TASP1: variants seen among roughly 807,000 people sequenced by gnomAD.
TASP1 encodes threonine aspartase 1.
TASP1 carries 16 observed loss-of-function variants against 56.6 expected under a neutral mutation model. The observed-to-expected ratio is 0.28, with a 90% confidence interval of 0.19 to 0.43. The LOEUF is 0.43. Ranked by LOEUF, TASP1 falls within the 20% of genes least tolerant of loss-of-function variation. The pLI, the probability that TASP1 is intolerant of heterozygous loss-of-function variation, is 1.00. For synonymous variants in TASP1, 179 were observed against 184.2 expected, an observed-to-expected ratio of 0.97 and a Z score of 0.23; for missense variants, 393 against 511.6, an observed-to-expected ratio of 0.77 and a Z score of 2.24.
the TASP1 span, among the ~76,000 whole-genome samples, chr20:13,157,858 C>T: frequency 6.6e-6 from 1 of 152,176 alleles, no homozygotes; most frequent in Non-Finnish European, 1.5e-5. Flanking sequence ...GTATAAGCCA[C>T]TGTGGAAGCA....
At chr20:13,284,995 A>C in the TASP1 span, among the ~76,000 whole-genome samples, 1 of 152,018 alleles carries the variant, frequency 6.6e-6, no homozygotes, top group Admixed American at 6.6e-5. Flanking sequence ...TGCTTAGAAA[A>C]CCACCCCCAG....
At chr20:13,307,668 CG>C in the TASP1 span, among the ~76,000 whole-genome samples, 1 of 152,180 alleles carries the variant, frequency 6.6e-6, no homozygotes, top group Non-Finnish European at 1.5e-5. Flanking sequence ...TTTTGACCTT[CG>C]GGTAAATGGA....
intron 11 of TASP1, among the ~76,000 whole-genome samples, chr20:13,473,426 T>C (rs929903374): frequency 6.6e-6 from 1 of 152,068 alleles, no homozygotes; most frequent in African/African-American, 2.4e-5. Flanking sequence ...ACATGGCACA[T>C]GTATACATAT....
chr20:13,314,407 C>G, the TASP1 span, among the ~76,000 whole-genome samples: 2 of 151,712 alleles, frequency 1.3e-5, no homozygotes, highest in Non-Finnish European at 2.9e-5. Context: ...TATAAAGGAG[C>G]AAAGATAAGA....
At chr20:13,343,348 A>T in the TASP1 span, among the ~76,000 whole-genome samples, 1 of 152,208 alleles carries the variant, frequency 6.6e-6, no homozygotes, top group Non-Finnish European at 1.5e-5. Flanking sequence ...AAATGGCCCT[A>T]CTGGGCCTCA....
chr20:13,294,922 A>G, the TASP1 span, among the ~76,000 whole-genome samples: 1 of 152,162 alleles, frequency 6.6e-6, no homozygotes, highest in African/African-American at 2.4e-5. Flanking sequence ...GTTGCGTTGC[A>G]ATTCAATCCC....
chr20:13,517,951 G>A (rs2044600896), intron 10 of TASP1, among the ~76,000 whole-genome samples: 1 of 152,054 alleles, frequency 6.6e-6, no homozygotes, highest in African/African-American at 2.4e-5. Flanking sequence ...ATCTGTAAAT[G>A]AATATTATTT....
rs199819862 is a variant in TASP1, at chr20:13,576,206, G to GGGGGA, written c.488+4686_488+4690dup. Among the ~76,000 whole-genome samples, 957 of 96,312 alleles carry GGGGGA rather than the reference G, an allele frequency of 9.9e-3. 19 individuals carry two copies. Among genetic ancestry groups the GGGGGA allele is most frequent in the South Asian group, 0.018 (40 of 2,228 alleles). 63.2% of individuals were successfully genotyped at this position (96,312 alleles called of 152,430 possible). A position where few individuals can be genotyped will look rare whatever the true frequency, so the allele number is the denominator to read the frequency against. On this transcript the variant is annotated intron_variant, in intron 6 of 13. Coordinates refer to ENST00000337743, the MANE Select transcript of TASP1 (RefSeq NM_017714.3). ...AACAGAGCAAGATTCCGAGACAGAA[G>GGGGGA]GGGGAGGGGAGGGGAGGGGAGGGGA... is the stretch of plus-strand genomic sequence containing the variant.
chr20:13,267,206 G>T, the TASP1 span, among the ~76,000 whole-genome samples: 1 of 152,312 alleles, frequency 6.6e-6, no homozygotes, highest in East Asian at 1.9e-4. Flanking sequence ...AATATGTTTT[G>T]AAAGAGGTGC....
the TASP1 span, among the ~76,000 whole-genome samples, chr20:13,156,962 G>T: frequency 1.3e-5 from 2 of 152,178 alleles, no homozygotes; most frequent in Non-Finnish European, 2.9e-5. Flanking sequence ...TATATTAGAT[G>T]CTGGATAATA....
chr20:13,203,991 A>G, the TASP1 span, among the ~76,000 whole-genome samples: 4 of 152,234 alleles, frequency 2.6e-5, no homozygotes, highest in Non-Finnish European at 5.9e-5. Flanking sequence ...AATGCTTGTC[A>G]CATTGGTTCA....
At chr20:13,298,845 G>T in the TASP1 span, 1 of 1,249,486 alleles carries the variant, frequency 8.0e-7, no homozygotes. Flanking sequence ...TCCTCCTGCG[G>T]GCCCTCAGGA....
intron 13 of TASP1, among the ~76,000 whole-genome samples, chr20:13,405,020 C>A: frequency 6.6e-6 from 1 of 152,078 alleles, no homozygotes; most frequent in East Asian, 1.9e-4. Context: ...CCCCAATAAC[C>A]TTGTGAATAA....
At chr20:13,580,790 G>A in intron 6 of TASP1, 107 bp downstream of exon 6, 1 of 1,047,678 alleles carries the variant, frequency 9.5e-7, no homozygotes, top group Non-Finnish European at 1.4e-6. Context: ...AACAAAGTTT[G>A]TCTTCTTCGC....
the TASP1 span, among the ~76,000 whole-genome samples, chr20:13,323,114 C>T: frequency 1.3e-5 from 2 of 151,984 alleles, no homozygotes; most frequent in Non-Finnish European, 2.9e-5. Context: ...GAACTAAGAG[C>T]AATCAGACCA....
chr20:13,402,302 G>A (rs138188439), intron 13 of TASP1, among the ~76,000 whole-genome samples: 1,787 of 152,312 alleles, frequency 0.012, 47 homozygotes, highest in African/African-American at 0.04. Flanking sequence ...AAATTAACTT[G>A]AGGCTGAGGA....
chr20:13,206,362 T>C, the TASP1 span, among the ~76,000 whole-genome samples: 1 of 152,162 alleles, frequency 6.6e-6, no homozygotes, highest in Non-Finnish European at 1.5e-5. Context: ...AAAAGGTAAG[T>C]TCAGGTAATA....
At chr20:13,568,795 A>C (rs952962225) in intron 7 of TASP1, among the ~76,000 whole-genome samples, 1 of 152,160 alleles carries the variant, frequency 6.6e-6, no homozygotes, top group African/African-American at 2.4e-5. Context: ...TTGTCCTCTA[A>C]AATCTCTGCC....
At chr20:13,125,820 T>C in the TASP1 span, among the ~76,000 whole-genome samples, 83,822 of 152,044 alleles carry the variant, frequency 0.55, 23,814 homozygotes, top group African/African-American at 0.69. Flanking sequence ...CTGCCATATA[T>C]TACTGAACAA....
Sources: gnomAD v4.1 joint callset for allele counts (sites outside exome capture counted in the v4.1 genomes callset) on GRCh38, gnomAD v4.1.1 for gene constraint, MANE v1.5 for transcripts, NCBI Gene and HGNC (gene_info 2026-07-23, HGNC 2026-07-21) for gene names.